Variants in IMPG1 observed in about 807,000 individuals in gnomAD.
The protein encoded by IMPG1 is interphotoreceptor matrix proteoglycan of 150 kDa.
In IMPG1, 85 loss-of-function variants were observed where a neutral mutation model predicts 92.0. The observed-to-expected ratio is 0.92, with a 90% CI of 0.78 to 1.11. The LOEUF (loss-of-function observed/expected upper bound fraction) is 1.11. Ranked by LOEUF, IMPG1 falls within the 50% of genes least tolerant of loss-of-function variation. The pLI, the probability that IMPG1 is intolerant of heterozygous loss-of-function variation, is 0.00. For synonymous variants in IMPG1, 367 were observed against 334.1 expected (o/e 1.10, Z -1.08); for missense variants, 1,022 against 956.0 (o/e 1.07, Z -0.91).
chr6:75,966,316 C>T (rs372061602), intron 12 of IMPG1, among the ~76,000 whole-genome samples: 2 of 151,770 alleles, frequency 1.3e-5, no homozygotes, highest in East Asian at 1.9e-4. Context: ...TTTGAATGTC[C>T]CCTCTAAGAC....
chr6:76,015,353 G>A (rs1423114474), intron 7 of IMPG1, among the ~76,000 whole-genome samples: 1 of 152,140 alleles, frequency 6.6e-6, no homozygotes, highest in Non-Finnish European at 1.5e-5. Context: ...AGCCTGGGGA[G>A]GGAACAGATG....
At chr6:75,959,224 A>G (rs1782175767) in intron 12 of IMPG1, among the ~76,000 whole-genome samples, 1 of 151,998 alleles carries the variant, frequency 6.6e-6, no homozygotes, top group African/African-American at 2.4e-5. Flanking sequence ...ATTGCTGCCT[A>G]TTTCTTCCTT....
chr6:76,028,813 C>T (rs186354633), intron 4 of IMPG1, among the ~76,000 whole-genome samples: 11 of 151,732 alleles, frequency 7.2e-5, no homozygotes, highest in Admixed American at 2.6e-4. Flanking sequence ...AGCGAGACTC[C>T]GTCTCAAGAA....
intron 14 of IMPG1, among the ~76,000 whole-genome samples, chr6:75,935,217 G>C (rs1368624239): frequency 6.6e-6 from 1 of 152,246 alleles, no homozygotes; most frequent in African/African-American, 2.4e-5. Flanking sequence ...AGCGAGGTCT[G>C]CAAGGGATTC....
chr6:75,993,373 C>T (rs1244667183), intron 12 of IMPG1, among the ~76,000 whole-genome samples: 2 of 152,038 alleles, frequency 1.3e-5, no homozygotes, highest in Admixed American at 1.3e-4. Flanking sequence ...AGTCCAAGAT[C>T]AAGGCACCAG....
At chr6:75,994,599 G>A (rs1163142115) in intron 12 of IMPG1, among the ~76,000 whole-genome samples, 1 of 152,210 alleles carries the variant, frequency 6.6e-6, no homozygotes, top group African/African-American at 2.4e-5. Context: ...CAGGCATAGA[G>A]AGAGAGCTTG....
At chr6:76,064,100 T>C (rs1467541253) in intron 1 of IMPG1, among the ~76,000 whole-genome samples, 1 of 152,154 alleles carries the variant, frequency 6.6e-6, no homozygotes, top group East Asian at 1.9e-4. Flanking sequence ...TACAGGCTGC[T>C]CTTCCTGAAG....
intron 1 of IMPG1, among the ~76,000 whole-genome samples, chr6:76,052,347 A>G (rs2127596318): frequency 6.6e-6 from 1 of 152,326 alleles, no homozygotes; most frequent in South Asian, 2.1e-4. Flanking sequence ...CTCAAAGCTG[A>G]CTAGTTTCTG....
At chr6:75,992,395 A>T (rs1312283804) in intron 12 of IMPG1, among the ~76,000 whole-genome samples, 1 of 152,268 alleles carries the variant, frequency 6.6e-6, no homozygotes, top group African/African-American at 2.4e-5. Flanking sequence ...TGTCTTGTGT[A>T]TAACATAGAT....
intron 1 of IMPG1, among the ~76,000 whole-genome samples, chr6:76,045,394 A>G (rs916174509): frequency 6.7e-6 from 1 of 148,564 alleles, no homozygotes; most frequent in African/African-American, 2.5e-5. Flanking sequence ...ACACTTCCTC[A>G]TATTTTTCCT....
At chr6:75,947,242 T>C in intron 14 of IMPG1, 72 bp downstream of exon 14, 1 of 1,195,422 alleles carries the variant, frequency 8.4e-7, no homozygotes, top group Non-Finnish European at 1.2e-6. Context: ...TTGAAACGTG[T>C]GCTTAAAAAC....
intron 12 of IMPG1, among the ~76,000 whole-genome samples, chr6:75,991,686 G>C (rs1782815558): frequency 6.6e-6 from 1 of 152,084 alleles, no homozygotes; most frequent in African/African-American, 2.4e-5. Context: ...TCTGCTACGA[G>C]CTCCTTCCAG....
At chr6:75,941,246 C>T (rs1289939905) in intron 14 of IMPG1, among the ~76,000 whole-genome samples, 2 of 152,134 alleles carry the variant, frequency 1.3e-5, no homozygotes, top group Non-Finnish European at 2.9e-5. Context: ...ATTTACTTAT[C>T]TAACTTTTCT....
At chr6:76,034,402 T>TA in intron 3 of IMPG1, 59 bp from the exon 4 acceptor site, 1 of 1,484,570 alleles carries the variant, frequency 6.7e-7, no homozygotes, top group Non-Finnish European at 9.4e-7. Flanking sequence ...ACCGAAGAGT[T>TA]AAAGTCAATT....
chr6:75,963,317 C>G (rs146542126), intron 12 of IMPG1, among the ~76,000 whole-genome samples: 24 of 152,118 alleles, frequency 1.6e-4, no homozygotes, highest in Non-Finnish European at 2.9e-4. Flanking sequence ...AAATGTCAGA[C>G]AAAACAGCTG....
At chr6:75,945,863 C>G (rs1781918813) in intron 14 of IMPG1, among the ~76,000 whole-genome samples, 1 of 152,156 alleles carries the variant, frequency 6.6e-6, no homozygotes, top group South Asian at 2.1e-4. Flanking sequence ...GAAGCTGCTC[C>G]CTACAGCCGC....
At chr6:76,058,564 G>C (rs532573489) in intron 1 of IMPG1, among the ~76,000 whole-genome samples, 1 of 152,216 alleles carries the variant, frequency 6.6e-6, no homozygotes, top group East Asian at 1.9e-4. Flanking sequence ...ATTAGTAAGT[G>C]GCAGAGCTGT....
chr6:76,018,617 C>G, intron 7 of IMPG1, 101 bp downstream of exon 7: 3 of 1,050,720 alleles, frequency 2.9e-6, no homozygotes, highest in Non-Finnish European at 4.0e-6. Context: ...ACATGAATGC[C>G]AGGAGAAGCT....
At chr6:75,933,063 A>G (rs1345009848) in intron 14 of IMPG1, among the ~76,000 whole-genome samples, 1 of 152,002 alleles carries the variant, frequency 6.6e-6, no homozygotes, top group Non-Finnish European at 1.5e-5. Context: ...TGAACTTCCT[A>G]CTCTTTGCTA....
Sources: allele counts gnomAD v4.1 joint callset (sites outside exome capture counted in the v4.1 genomes callset), GRCh38; gene constraint gnomAD v4.1.1; transcripts MANE v1.5; gene names NCBI Gene and HGNC (gene_info 2026-07-23, HGNC 2026-07-21).